The following ARID1A variants were observed in gnomAD, a reference collection of about 807,000 sequenced individuals.
ARID1A encodes the protein AT-rich interactive domain-containing protein 1A.
ARID1A carries 20 observed loss-of-function variants against 212.6 expected under a neutral mutation model. The ratio of observed to expected loss-of-function variants is 0.09; its 90% CI spans 0.07 to 0.14. ARID1A has a LOEUF of 0.14. Ranked by LOEUF, ARID1A falls within the 10% of genes least tolerant of loss-of-function variation. ARID1A has a pLI of 1.00. For missense variants in ARID1A, 2,587 were observed against 3,059.0 expected (o/e 0.85, Z 3.64); for synonymous variants, 1,376 against 1,222.1 (o/e 1.13, Z -2.63).
chr1:26,712,257 G>A (rs1249538960), intron 1 of ARID1A, among the ~76,000 whole-genome samples: 2 of 152,182 alleles, frequency 1.3e-5, no homozygotes, highest in Admixed American at 6.5e-5. Context: ...AGAACAGGGC[G>A]TTGGGTGATT....
chr1:26,775,769 G>A (rs771539435), intron 19 of ARID1A, 62 bp downstream of exon 19: 52 of 1,603,884 alleles, frequency 3.2e-5, no homozygotes, highest in Non-Finnish European at 4.1e-5. Flanking sequence ...TAGACAATGG[G>A]AATGTCTCAT....
At chr1:26,697,683 C>T in intron 1 of ARID1A, 143 bp downstream of exon 1, 2 of 851,080 alleles carry the variant, frequency 2.3e-6, no homozygotes, top group Non-Finnish European at 3.1e-6. Context: ...GCTCTTCTCT[C>T]TTAAAATGGC....
At chr1:26,746,065 A>G (rs2080833181) in intron 4 of ARID1A, among the ~76,000 whole-genome samples, 1 of 152,162 alleles carries the variant, frequency 6.6e-6, no homozygotes, top group South Asian at 2.1e-4. Flanking sequence ...AAAATAGAAA[A>G]GGAAAAATGC....
intron 1 of ARID1A, among the ~76,000 whole-genome samples, chr1:26,705,450 TTC>T (rs1491583571): frequency 3.3e-4 from 49 of 147,458 alleles, no homozygotes; most frequent in African/African-American, 1.0e-3. Flanking sequence ...TTTTTTTTTT[TTC>T]CCCCCCCCTC....
intron 1 of ARID1A, among the ~76,000 whole-genome samples, chr1:26,703,124 G>A (rs2080346829): frequency 6.6e-6 from 1 of 152,126 alleles, no homozygotes; most frequent in Admixed American, 6.5e-5. Context: ...GGACTTCTGT[G>A]TATCACTTAT....
chr1:26,708,070 C>T (rs2080410964), intron 1 of ARID1A, among the ~76,000 whole-genome samples: 1 of 151,962 alleles, frequency 6.6e-6, no homozygotes, highest in African/African-American at 2.4e-5. Flanking sequence ...CCTGTCATTC[C>T]CTTCCATCCC....
At chr1:26,706,951 A>G (rs2080397965) in intron 1 of ARID1A, among the ~76,000 whole-genome samples, 2 of 152,098 alleles carry the variant, frequency 1.3e-5, no homozygotes, top group South Asian at 4.1e-4. Context: ...TTCTAAAGAG[A>G]ACCATATTAC....
At chr1:26,710,521 A>ACACACACACAG (rs2080442954) in intron 1 of ARID1A, among the ~76,000 whole-genome samples, 1 of 151,324 alleles carries the variant, frequency 6.6e-6, no homozygotes, top group Non-Finnish European at 1.5e-5. Flanking sequence ...ACACACACAC[A>ACACACACACAG]CACACACCAC....
At chr1:26,732,258 C>T (rs1468561915) in intron 3 of ARID1A, among the ~76,000 whole-genome samples, 1 of 152,108 alleles carries the variant, frequency 6.6e-6, no homozygotes, top group Non-Finnish European at 1.5e-5. Context: ...GATGACAGGT[C>T]CACTAAAAAG....
At chr1:26,750,070 C>T (rs1046617250) in intron 4 of ARID1A, among the ~76,000 whole-genome samples, 1 of 152,212 alleles carries the variant, frequency 6.6e-6, no homozygotes, top group African/African-American at 2.4e-5. Flanking sequence ...TCTGGTCCCA[C>T]AGGCTAGTGG....
At chr1:26,716,982 G>C (rs1477481995) in intron 1 of ARID1A, among the ~76,000 whole-genome samples, 1 of 152,082 alleles carries the variant, frequency 6.6e-6, no homozygotes, top group Non-Finnish European at 1.5e-5. Flanking sequence ...CTTGCTCCCC[G>C]GGTAATAAAT....
Position 26,773,690 on chromosome 1 carries a change from C to A in ARID1A, c.3977C>A (p.Pro1326Gln). The A allele has an allele frequency of 6.2e-7, 1 of 1,613,312 alleles. No homozygotes were observed. Among genetic ancestry groups the A allele is most frequent in the Non-Finnish European group, 8.5e-7 (1 of 1,179,570 alleles). ...SGMYSPSRYP[P>Q]QQQQQQQQRH... ...ATGTATTCTCCTAGCCGCTACCCCC[C>A]GCAGCAGCAGCAGCAGCAGCAGCAA... The change falls in exon 16 of 20, where the codon CCG becomes CAG. Residue 1326 changes from proline to glutamine, a missense_variant. Physicochemically the swap from Pro to Gln is moderately conservative, Grantham distance 76. Coordinates refer to ENST00000324856, the MANE Select transcript of ARID1A (RefSeq NM_006015.6).
chr1:26,696,859 AC>A lies in ARID1A; in HGVS notation c.459del (p.Tyr154ThrfsTer78). On this transcript the variant is annotated frameshift_variant, in exon 1 of 20. Transcript: ENST00000324856. LOFTEE classifies it high-confidence loss of function. ...LPPPAYGFGQPYGRSPSAVAA... is the reference protein window; with the variant it reads ...LPPPAYGFGQXYGRSPSAVAA... ...CGCCCCCAGCCTACGGCTTCGGGCA[AC>A]CCTACGGCCGGAGCCCGTCTGCCGT... The A allele has an allele frequency of 7.5e-7, 1 of 1,340,294 alleles. No homozygotes were observed. The highest frequency in any genetic ancestry group is 2.0e-5 in the South Asian group (1 of 49,858). The allele number at this position is 1,340,294 out of a possible 1,614,324, so 83.0% of individuals were successfully genotyped here. A position where few individuals can be genotyped will look rare whatever the true frequency, so the allele number is the denominator to read the frequency against.
intron 7 of ARID1A, 29 bp from the exon 8 acceptor site, chr1:26,762,940 GACTA>G: frequency 2.0e-6 from 3 of 1,534,686 alleles, no homozygotes; most frequent in Non-Finnish European, 2.7e-6. Flanking sequence ...GCTAGTGAGT[GACTA>G]ACCAAGTCTT....
chr1:26,718,988 T>C (rs564990778), intron 1 of ARID1A, among the ~76,000 whole-genome samples: 1 of 152,362 alleles, frequency 6.6e-6, no homozygotes, highest in Non-Finnish European at 1.5e-5. Context: ...AGATTGTGGT[T>C]GACCGTGGGT....
intron 4 of ARID1A, among the ~76,000 whole-genome samples, chr1:26,760,210 CT>C (rs1557607272): frequency 1.3e-5 from 2 of 152,204 alleles, no homozygotes; most frequent in African/African-American, 4.8e-5. Flanking sequence ...AGTGCTAGAT[CT>C]GCTTCTGAGG....
rs2124057347 is a variant in ARID1A at position 26,761,107 on chromosome 1, G to A, written c.2161+11G>A. ...CTGCTGCAGTGCCAGGTACCCTCAA[G>A]TGCTGGGCTTTAGGGAGAGGGAAAG... On this transcript the variant is annotated intron_variant, in intron 5 of 19. Coordinates refer to ENST00000324856, the MANE Select transcript of ARID1A (RefSeq NM_006015.6). 1 of 1,613,566 alleles carries A rather than the reference G, an allele frequency of 6.2e-7. No homozygotes were observed. The highest frequency in any genetic ancestry group is 8.5e-7 in the Non-Finnish European group (1 of 1,179,588).
intron 8 of ARID1A, chr1:26,764,165 A>G (rs1206725817): frequency 2.6e-5 from 4 of 151,156 alleles, no homozygotes; most frequent in Non-Finnish European, 5.9e-5. Context: ...GGGTTTCACC[A>G]TGTTAGCCAG....
intron 1 of ARID1A, among the ~76,000 whole-genome samples, chr1:26,708,441 C>T (rs951040903): frequency 3.3e-5 from 5 of 150,924 alleles, no homozygotes; most frequent in East Asian, 3.9e-4. Flanking sequence ...CCCACCACCA[C>T]GCCCAGGTAA....
Sources: gnomAD v4.1 joint callset for allele counts (sites outside exome capture counted in the v4.1 genomes callset) on GRCh38, gnomAD v4.1.1 for gene constraint, MANE v1.5 for transcripts, NCBI Gene and HGNC (gene_info 2026-07-23, HGNC 2026-07-21) for gene names.